The following BRD1 variants were observed in gnomAD, a reference collection of about 807,000 sequenced individuals.
BRD1 encodes bromodomain containing 1, also known as bromodomain-containing protein 1.
BRD1 carries 24 observed loss-of-function variants against 107.7 expected under a neutral mutation model. That is an observed-to-expected ratio of 0.22 (90% CI 0.16 to 0.31). The LOEUF is 0.31. Ranked by LOEUF, BRD1 falls within the 10% of genes least tolerant of loss-of-function variation. The pLI, the probability that BRD1 is intolerant of heterozygous loss-of-function variation, is 1.00. For missense variants in BRD1, 1,279 were observed against 1,638.6 expected (o/e 0.78, Z 3.79); for synonymous variants, 744 against 686.1 (o/e 1.08, Z -1.32).
intron 2 of BRD1, among the ~76,000 whole-genome samples, chr22:49,808,936 G>A (rs1465549665): frequency 6.6e-6 from 1 of 151,884 alleles, no homozygotes; most frequent in African/African-American, 2.4e-5. Flanking sequence ...GGCCAACATG[G>A]TGAAACCCCA....
At position 49,827,623 on chromosome 22, in the gene BRD1, C is replaced by T. The variant is rs917757522; in HGVS notation, c.-141G>A. 29 of 145,424 alleles carry T rather than the reference C, an allele frequency of 2.0e-4. No homozygotes were observed. The highest frequency in any genetic ancestry group is 8.2e-4 in the Admixed American group (12 of 14,706). The allele number at this position is 145,424 out of a possible 1,614,324, so 9.0% of individuals were successfully genotyped here. On this transcript the variant is annotated 5_prime_UTR_variant, in exon 1 of 13. Transcript: ENST00000404760. Reference sequence around the variant, plus strand: ...CCGCGCAGGCCGGGCCCCGCCGCCGCTCCTGGGCGCGGGCCCCTCTCGGCC... The same window carrying T: ...CCGCGCAGGCCGGGCCCCGCCGCCGTTCCTGGGCGCGGGCCCCTCTCGGCC...
intron 2 of BRD1, among the ~76,000 whole-genome samples, chr22:49,815,199 A>G (rs1238780872): frequency 6.6e-6 from 1 of 152,206 alleles, no homozygotes; most frequent in Admixed American, 6.5e-5. Flanking sequence ...CTGAGCACTC[A>G]GAGTTTTCCC....
Position 49,823,568 on chromosome 22 carries a change from G to A in BRD1, c.750C>T (p.Tyr250=), listed in dbSNP as rs752575323. The change falls in exon 2 of 13, where the codon TAC becomes TAT. Residue 250 remains tyrosine, a synonymous_variant. Transcript: ENST00000404760. The stretch of plus-strand genomic sequence containing the variant: ...GGCAGAGCCACTGGCCCTCGGGGAT[G>A]TAGGGCACCCCGTAGCACTCCTGGT... ...AVHQECYGVP[Y]IPEGQWLCRH... The A allele has an allele frequency of 1.9e-6, 3 of 1,603,950 alleles. No individual in the cohort carries two copies. The highest frequency in any genetic ancestry group is 2.6e-6 in the Non-Finnish European group (3 of 1,174,164).
At chr22:49,808,949 T>C (rs2147250909) in intron 2 of BRD1, among the ~76,000 whole-genome samples, 1 of 151,468 alleles carries the variant, frequency 6.6e-6, no homozygotes, top group East Asian at 2.0e-4. Flanking sequence ...AAACCCCATC[T>C]CTACTAAAAA....
At chr22:49,820,111 C>G (rs886391039) in intron 2 of BRD1, among the ~76,000 whole-genome samples, 10 of 151,332 alleles carry the variant, frequency 6.6e-5, no homozygotes, top group African/African-American at 2.2e-4. Context: ...GCCTGGGCAA[C>G]AAAGCAAGAC....
Position 49,777,688 on chromosome 22 carries a change from A to C in BRD1, c.2983T>G (p.Cys995Gly). Residue 995 changes from cysteine (C) to glycine (G), a missense_variant, in exon 9 of 13, where the codon TGC (cysteine) becomes GGC (glycine). By Grantham distance (159) the Cys-to-Gly change is radical (BLOSUM62 -3). Transcript: ENST00000404760. Reference sequence around the variant, plus strand: ...GGCCGCGGTGCCCACCTCGAGTCGCAGAGCGGGCTGTTGCTGGAGGAGATG... The same window carrying C: ...GGCCGCGGTGCCCACCTCGAGTCGCCGAGCGGGCTGTTGCTGGAGGAGATG... ...SSISSSNSPL[C>G]DSSFNAPKCG... The C allele has an allele frequency of 1.2e-6, 2 of 1,607,406 alleles. No homozygotes were observed. Among genetic ancestry groups the C allele is most frequent in the Non-Finnish European group, 1.7e-6 (2 of 1,178,084 alleles).
Position 49,803,556 on chromosome 22 carries a change from T to C in BRD1, c.1524+648A>G, listed in dbSNP as rs1400588195. Among the ~76,000 whole-genome samples the C allele has an allele frequency of 6.6e-6, 1 of 152,216 alleles. No homozygotes were observed. The highest frequency in any genetic ancestry group is 1.5e-5 in the Non-Finnish European group (1 of 68,038). On this transcript the variant is annotated intron_variant, in intron 3 of 12. Transcript: ENST00000404760. The surrounding 1 kb of genome is among the most constrained non-coding windows in gnomAD (Gnocchi z 4.4). ...GCTACTTCACTCTGTAAACCCATTT[T>C]TTCAGAACTGTTTCACAGTATCAGA...
chr22:49,791,868 C>G (rs1468226990), intron 7 of BRD1, among the ~76,000 whole-genome samples: 1 of 152,164 alleles, frequency 6.6e-6, no homozygotes, highest in African/African-American at 2.4e-5. Context: ...TCAATTGAGT[C>G]ATTGTGAACA....
intron 2 of BRD1, among the ~76,000 whole-genome samples, chr22:49,818,563 G>T (rs551638205): frequency 6.6e-6 from 1 of 152,286 alleles, no homozygotes; most frequent in African/African-American, 2.4e-5. Context: ...AAATGGAAAA[G>T]ACTTTCCCTT....
chr22:49,774,043 C>A lies in BRD1; in HGVS notation c.*190G>T. 1.4e-6 allele frequency: 1 copy of A among 712,842 alleles called. No individual in the cohort carries two copies. Among genetic ancestry groups the A allele is most frequent in the Non-Finnish European group, 2.2e-6 (1 of 457,792 alleles). The allele number at this position is 712,842 out of a possible 1,614,324, so 44.2% of individuals were successfully genotyped here. A position where few individuals can be genotyped will look rare whatever the true frequency, so the allele number is the denominator to read the frequency against. ...AGACGCACTGGGCTGCCCGGACGTG[C>A]CCACCCCACTCACAGCGCCCAGACG... On this transcript the variant is annotated 3_prime_UTR_variant, in exon 13 of 13. Transcript: ENST00000404760.
chr22:49,787,297 A>AGGGGGGGGGG, intron 8 of BRD1, 93 bp downstream of exon 8: 1 of 896,436 alleles, frequency 1.1e-6, no homozygotes, highest in East Asian at 3.9e-5. Context: ...CAGAAGCTGG[A>AGGGGGGGGGG]CACCCCCCCC....
chr22:49,819,903 G>C (rs1325034204), intron 2 of BRD1, among the ~76,000 whole-genome samples: 1 of 152,036 alleles, frequency 6.6e-6, no homozygotes, highest in Non-Finnish European at 1.5e-5. Context: ...TTCGAGGCGG[G>C]TGGATCACCT....
At chr22:49,796,262 G>C (rs1164166599) in intron 6 of BRD1, among the ~76,000 whole-genome samples, 1 of 149,894 alleles carries the variant, frequency 6.7e-6, no homozygotes, top group Non-Finnish European at 1.5e-5. Context: ...GGCTAATTTT[G>C]TTTTTGTATT....
In BRD1 at chr22:49,786,366, AGCAGAGGCT is replaced by A. The variant is rs146840783; in HGVS notation, c.2857+1015_2857+1023del. Among the ~76,000 whole-genome samples, 1,144 of 152,268 alleles carry A rather than the reference AGCAGAGGCT, an allele frequency of 7.5e-3. 16 individuals carry two copies. Among genetic ancestry groups the A allele is most frequent in the East Asian group, 0.04 (208 of 5,184 alleles). ...CCTCAGCTTCCTCTGAGGGGCGGGG[AGCAGAGGCT>A]GCAGGAACACAGCGGCCTCCTCAAA... On this transcript the variant is annotated intron_variant, in intron 8 of 12. Coordinates refer to ENST00000404760, the MANE Select transcript of BRD1 (RefSeq NM_001304808.3).
In BRD1 at chr22:49,787,448, C is replaced by G. The variant is rs146605935; in HGVS notation, c.2799G>C (p.Arg933=). ...CCACCTCGGAGTCTCCGCATGTGCT[C>G]CGCGACCTTTTCCTTGGCTGCAGAA... ...ETLLQPRKRS[R]STCGDSEVEE... The change falls in exon 8 of 13, where the codon CGG becomes CGC. Residue 933 remains arginine, a synonymous_variant. Transcript: ENST00000404760. 70 of 1,614,084 alleles carry G rather than the reference C, an allele frequency of 4.3e-5. No individual in the cohort carries two copies. The highest frequency in any genetic ancestry group is 5.9e-5 in the Non-Finnish European group (70 of 1,180,050).
chr22:49,779,466 C>T (rs969545929), intron 8 of BRD1, among the ~76,000 whole-genome samples: 1 of 152,202 alleles, frequency 6.6e-6, no homozygotes, highest in Non-Finnish European at 1.5e-5. Context: ...CCGGCTCCGT[C>T]TCTCCTGGAC....
chr22:49,800,261 C>T (rs11913353), intron 3 of BRD1, among the ~76,000 whole-genome samples: 12,605 of 152,214 alleles, frequency 0.083, 635 homozygotes, highest in South Asian at 0.17. Context: ...AGCCCCGCAC[C>T]CCCACCCCCA....
chr22:49,802,814 G>T (rs1033666338), intron 3 of BRD1, among the ~76,000 whole-genome samples: 5 of 152,248 alleles, frequency 3.3e-5, no homozygotes, highest in African/African-American at 1.2e-4. Flanking sequence ...TGGAGGCTAC[G>T]AGGTGAGGAC....
intron 8 of BRD1, among the ~76,000 whole-genome samples, chr22:49,786,095 G>T (rs1278393714): frequency 1.5e-5 from 2 of 131,804 alleles, no homozygotes; most frequent in Non-Finnish European, 3.2e-5. Flanking sequence ...CACTGCTCAA[G>T]TGCACGAGGC....
Sources: allele counts gnomAD v4.1 joint callset (sites outside exome capture counted in the v4.1 genomes callset), GRCh38; gene constraint gnomAD v4.1.1; non-coding constraint Gnocchi (gnomAD v3.1); transcripts MANE v1.5; gene names NCBI Gene and HGNC (gene_info 2026-07-23, HGNC 2026-07-21).